Variants in KCNT2 observed in about 807,000 individuals in gnomAD.
The protein encoded by KCNT2 is potassium sodium-activated channel subfamily T member 2, also known as potassium channel subfamily T member 2.
A neutral mutation model predicts 153.8 loss-of-function variants in KCNT2; 67 were observed. The ratio of observed to expected loss-of-function variants is 0.44; its 90% CI spans 0.36 to 0.53. The LOEUF is 0.53. KCNT2 is among the 20% of genes least tolerant of loss of function. The pLI, the probability that KCNT2 is intolerant of heterozygous loss-of-function variation, is 0.00. For synonymous variants in KCNT2, 500 were observed against 458.8 expected (o/e 1.09, Z -1.15); for missense variants, 975 against 1,354.8 (o/e 0.72, Z 4.40).
chr1:196,282,365 T>A lies in KCNT2; in HGVS notation c.2698-9A>T, dbSNP rs761359575. 7.1e-7 allele frequency: 1 copy of A among 1,414,660 alleles called. No individual in the cohort carries two copies. The highest frequency in any genetic ancestry group is 1.7e-5 in the Admixed American group (1 of 59,332). The allele number at this position is 1,414,660 out of a possible 1,614,324, so 87.6% of individuals were successfully genotyped here. ...TAATCCTTCACAAATGACTGCAATA[T>A]AAACAAACAAACAATATATAAATGT... On this transcript the variant is annotated splice_polypyrimidine_tract_variant and intron_variant, in intron 23 of 27. Transcript: ENST00000294725.
intron 8 of KCNT2, among the ~76,000 whole-genome samples, chr1:196,443,085 T>C (rs1223902476): frequency 6.6e-6 from 1 of 151,616 alleles, no homozygotes; most frequent in East Asian, 1.9e-4. Context: ...GTTGATTGTG[T>C]ATTCTGTAAC....
Position 196,288,338 on chromosome 1 carries a change from A to G in KCNT2, c.2596-2580T>C, listed in dbSNP as rs1227418363. On this transcript the variant is annotated intron_variant, in intron 22 of 27. Transcript: ENST00000294725. ...AAGAATTACACTGAAAAATAATGAT[A>G]TAAGTTGAGATTGTCTAAGAAATAA... Among the ~76,000 whole-genome samples, 5 of 152,102 alleles carry G rather than the reference A, an allele frequency of 3.3e-5. No homozygotes were observed. The East Asian group carries it at 7.7e-4, about 23-fold the overall frequency.
At chr1:196,262,201 C>T (rs1354831031) in intron 25 of KCNT2, among the ~76,000 whole-genome samples, 1 of 151,960 alleles carries the variant, frequency 6.6e-6, no homozygotes, top group Non-Finnish European at 1.5e-5. Context: ...ACTCTTCACA[C>T]ACACATCAAA....
At chr1:196,248,363 GT>G (rs1655641204) in intron 26 of KCNT2, among the ~76,000 whole-genome samples, 1 of 151,852 alleles carries the variant, frequency 6.6e-6, no homozygotes, top group Non-Finnish European at 1.5e-5. Context: ...AGAAAAAGTT[GT>G]TTTTTGATAA....
At chr1:196,385,772 A>AAAATAT (rs747480460) in intron 13 of KCNT2, among the ~76,000 whole-genome samples, 1,584 of 148,480 alleles carry the variant, frequency 0.011, 9 homozygotes, top group Middle Eastern at 0.028. Flanking sequence ...GCATTAAAAA[A>AAAATAT]ATATATATAT....
At chr1:196,342,426 A>ATATATATATATATATATG (rs1301197844) in intron 14 of KCNT2, among the ~76,000 whole-genome samples, 198 bp from the exon 15 acceptor site, 3 of 115,468 alleles carry the variant, frequency 2.6e-5, no homozygotes, top group Non-Finnish European at 3.8e-5. Context: ...AATACTATAT[A>ATATATATATATATATATG]TATATATATA....
chr1:196,490,818 G>C (rs1679803167), intron 2 of KCNT2, among the ~76,000 whole-genome samples: 1 of 146,760 alleles, frequency 6.8e-6, no homozygotes, highest in Non-Finnish European at 1.5e-5. Flanking sequence ...TACGATATCT[G>C]ATTCATGCAT....
At chr1:196,508,592 G>A (rs897433959) in intron 1 of KCNT2, among the ~76,000 whole-genome samples, 3 of 152,048 alleles carry the variant, frequency 2.0e-5, no homozygotes, top group Non-Finnish European at 4.4e-5. Context: ...ACAAAAAGAA[G>A]TATTAACAAA....
chr1:196,398,258 T>A (rs1367069588), intron 13 of KCNT2, among the ~76,000 whole-genome samples: 1 of 151,470 alleles, frequency 6.6e-6, no homozygotes, highest in African/African-American at 2.4e-5. Context: ...CACTTGAAAT[T>A]TGTGTCTATA....
chr1:196,280,820 G>C (rs754543371), intron 25 of KCNT2, 40 bp downstream of exon 25: 1 of 1,572,058 alleles, frequency 6.4e-7, no homozygotes, highest in Non-Finnish European at 8.7e-7. Context: ...GCACTCATCA[G>C]ATTAAACATC....
At chr1:196,369,058 C>A (rs1490313166) in intron 14 of KCNT2, among the ~76,000 whole-genome samples, 1 of 152,072 alleles carries the variant, frequency 6.6e-6, no homozygotes, top group African/African-American at 2.4e-5. Flanking sequence ...CTTATCAATT[C>A]TCTCTTTTTC....
chr1:196,431,950 C>T (rs1359825577), intron 8 of KCNT2, among the ~76,000 whole-genome samples: 1 of 152,072 alleles, frequency 6.6e-6, no homozygotes, highest in Non-Finnish European at 1.5e-5. Context: ...ATCCCAAAGG[C>T]ATTTTGGAGC....
intron 26 of KCNT2, among the ~76,000 whole-genome samples, chr1:196,254,725 T>C (rs1404108494): frequency 6.6e-6 from 1 of 151,624 alleles, no homozygotes; most frequent in Non-Finnish European, 1.5e-5. Context: ...CAATTCTTTC[T>C]TGTTAAGTTT....
At chr1:196,365,380 A>C (rs1667955191) in intron 14 of KCNT2, among the ~76,000 whole-genome samples, 1 of 152,154 alleles carries the variant, frequency 6.6e-6, no homozygotes, top group Admixed American at 6.6e-5. Flanking sequence ...TACTTCCTGT[A>C]ACTCATGGTG....
At chr1:196,341,797 T>G (rs1246154560) in intron 15 of KCNT2, among the ~76,000 whole-genome samples, 3 of 152,026 alleles carry the variant, frequency 2.0e-5, no homozygotes, top group African/African-American at 7.2e-5. Context: ...GTGAAGAAGA[T>G]TTTCATATGT....
At chr1:196,415,885 A>G (rs1287987472) in intron 12 of KCNT2, among the ~76,000 whole-genome samples, 1 of 151,906 alleles carries the variant, frequency 6.6e-6, no homozygotes, top group Admixed American at 6.6e-5. Context: ...CTAGGTTTTT[A>G]AGAATTTACT....
Position 196,608,418 on chromosome 1 carries a change from G to A in KCNT2, c.-109C>T. 7 of 824,430 alleles carry A rather than the reference G, an allele frequency of 8.5e-6. No homozygotes were observed. The highest frequency in any genetic ancestry group is 1.4e-5 in the Non-Finnish European group (7 of 492,438). 51.1% of individuals were successfully genotyped at this position (824,430 alleles called of 1,614,324 possible). On this transcript the variant is annotated 5_prime_UTR_variant, in exon 1 of 28. Transcript: ENST00000294725. ...AGGACTAACAAGACGCTGTGGCCGA[G>A]AGAGGGATGGGAGAAGGGGAAGGGG...
At chr1:196,339,543 AG>A (rs1665402256) in intron 16 of KCNT2, among the ~76,000 whole-genome samples, 1 of 151,718 alleles carries the variant, frequency 6.6e-6, no homozygotes. Context: ...AGAGAGAGAG[AG>A]AGAGAGAGAC....
chr1:196,444,607 A>G (rs898011447), intron 8 of KCNT2, among the ~76,000 whole-genome samples: 1 of 151,466 alleles, frequency 6.6e-6, no homozygotes, highest in African/African-American at 2.4e-5. Flanking sequence ...ACTCTGGTGC[A>G]GTATGATCAT....
Sources: gnomAD v4.1 joint callset for allele counts (sites outside exome capture counted in the v4.1 genomes callset) on GRCh38, gnomAD v4.1.1 for gene constraint, MANE v1.5 for transcripts, NCBI Gene and HGNC (gene_info 2026-07-23, HGNC 2026-07-21) for gene names.